Variants in METAP1 observed in about 807,000 individuals in gnomAD.
METAP1 encodes the protein methionyl aminopeptidase 1, also known as methionine aminopeptidase 1.
A neutral mutation model predicts 53.8 loss-of-function variants in METAP1; 28 were observed. The observed-to-expected ratio is 0.52, with a 90% CI of 0.39 to 0.71. The LOEUF (loss-of-function observed/expected upper bound fraction) is 0.71. METAP1 is among the 30% of genes least tolerant of loss of function. The probability of loss-of-function intolerance (pLI) is 0.00; values close to 1 mark genes in which losing one functional copy is unlikely to be tolerated. For missense variants in METAP1, 389 were observed against 479.8 expected, an observed-to-expected ratio of 0.81 and a Z score of 1.77; for synonymous variants, 181 against 165.7, an observed-to-expected ratio of 1.09 and a Z score of -0.71.
At chr4:99,025,631 C>A in intron 1 of METAP1, 1 of 297,696 alleles carries the variant, frequency 3.4e-6, no homozygotes, top group Non-Finnish European at 5.0e-6. Context: ...GAACTGCCAA[C>A]CACCCTGGCC....
chr4:99,015,644 T>TGG (rs1287737185), intron 1 of METAP1, among the ~76,000 whole-genome samples: 2 of 152,164 alleles, frequency 1.3e-5, no homozygotes, highest in Admixed American at 6.5e-5. Context: ...AGCGGCGTCT[T>TGG]GGCTTTAATT....
intron 9 of METAP1, among the ~76,000 whole-genome samples, chr4:99,052,743 T>C (rs1726803130): frequency 6.6e-6 from 1 of 152,178 alleles, no homozygotes; most frequent in Admixed American, 6.5e-5. Context: ...TTTCTTGAAA[T>C]AAGACAACAA....
intron 2 of METAP1, among the ~76,000 whole-genome samples, chr4:99,033,397 G>T (rs762909627): frequency 3.9e-5 from 6 of 151,944 alleles, no homozygotes; most frequent in African/African-American, 1.5e-4. Context: ...CTTGTATTCC[G>T]GCTACTTAAA....
chr4:99,023,084 C>CA, intron 1 of METAP1: 1 of 1,249,972 alleles, frequency 8.0e-7, no homozygotes, highest in South Asian at 1.3e-5. Flanking sequence ...TCTGTCCCTT[C>CA]CAGCGCCTTT....
chr4:99,026,080 C>A, intron 1 of METAP1: 1 of 228,426 alleles, frequency 4.4e-6, no homozygotes, highest in South Asian at 1.6e-4. Flanking sequence ...GCAAACTGTA[C>A]CCTGGCCACC....
chr4:99,003,908 T>G (rs1003741585), intron 1 of METAP1, among the ~76,000 whole-genome samples: 16 of 152,144 alleles, frequency 1.1e-4, no homozygotes, highest in Non-Finnish European at 1.8e-4. Context: ...GGCTTAGTCC[T>G]CGAAGCTGCC....
intron 9 of METAP1, among the ~76,000 whole-genome samples, chr4:99,056,990 T>G (rs1182557714): frequency 6.6e-6 from 1 of 152,116 alleles, no homozygotes; most frequent in Non-Finnish European, 1.5e-5. Flanking sequence ...TTCAGCCTCT[T>G]GAGTAGCTAG....
chr4:99,007,269 T>G (rs1579241683), intron 1 of METAP1, among the ~76,000 whole-genome samples: 1 of 152,280 alleles, frequency 6.6e-6, no homozygotes, highest in East Asian at 1.9e-4. Context: ...GAAACGCTGT[T>G]GACAAGACTC....
chr4:98,999,151 C>G (rs991802539), intron 1 of METAP1, among the ~76,000 whole-genome samples: 3 of 152,050 alleles, frequency 2.0e-5, no homozygotes, highest in Admixed American at 6.6e-5. Context: ...CATGAATGAT[C>G]CTATCTTGTT....
intron 9 of METAP1, among the ~76,000 whole-genome samples, chr4:99,052,818 G>C (rs1726810850): frequency 4.6e-5 from 7 of 152,170 alleles, no homozygotes; most frequent in Admixed American, 3.9e-4. Flanking sequence ...GATATTGTTT[G>C]ATAGCATTTT....
intron 5 of METAP1, 113 bp from the exon 6 acceptor site, chr4:99,040,930 T>C (rs1725814676): frequency 1.0e-5 from 4 of 401,542 alleles, no homozygotes; most frequent in South Asian, 1.5e-4. Flanking sequence ...TATAAAATTA[T>C]AATATTCAAG....
At chr4:99,005,715 A>G (rs1723144996) in intron 1 of METAP1, 2 of 382,400 alleles carry the variant, frequency 5.2e-6, no homozygotes, top group Middle Eastern at 3.7e-4. Flanking sequence ...ATATATATAC[A>G]TCATGAAATA....
chr4:99,034,521 G>A (rs1469810530), intron 3 of METAP1, among the ~76,000 whole-genome samples, 179 bp downstream of exon 3: 1 of 152,144 alleles, frequency 6.6e-6, no homozygotes, highest in Non-Finnish European at 1.5e-5. Context: ...GGCAATCATG[G>A]AAGAAGTGGG....
intron 1 of METAP1, among the ~76,000 whole-genome samples, chr4:99,008,270 G>A (rs1723277105): frequency 6.6e-6 from 1 of 152,172 alleles, no homozygotes; most frequent in Non-Finnish European, 1.5e-5. Flanking sequence ...GCTGAGGCAT[G>A]TAGGTAATAG....
Position 99,014,024 on chromosome 4 carries a change from G to C in METAP1, c.115-14843G>C, listed in dbSNP as rs575412235. Among the ~76,000 whole-genome samples the C allele has an allele frequency of 8.0e-4, 122 of 152,316 alleles. 1 individual carries two copies. Among genetic ancestry groups the C allele is most frequent in the African/African-American group, 2.7e-3 (111 of 41,566 alleles). On this transcript the variant is annotated intron_variant, in intron 1 of 10. Coordinates refer to ENST00000296411, the MANE Select transcript of METAP1 (RefSeq NM_015143.3). ...TAAAAGCAACCTTTCCGAATAGGGT[G>C]GGGGAGAGGCAGAGGATAGATTATT...
intron 1 of METAP1, among the ~76,000 whole-genome samples, chr4:99,015,378 C>T (rs1723699191): frequency 6.6e-6 from 1 of 152,118 alleles, no homozygotes; most frequent in South Asian, 2.1e-4. Flanking sequence ...TTCAAACCTC[C>T]CTATCGGATC....
At chr4:99,045,856 T>C (rs1560729120) in intron 8 of METAP1, among the ~76,000 whole-genome samples, 1 of 152,256 alleles carries the variant, frequency 6.6e-6, no homozygotes, top group Non-Finnish European at 1.5e-5. Flanking sequence ...GGCTGTTTTT[T>C]CAACTATCAT....
chr4:99,026,873 G>A, intron 1 of METAP1: 1 of 984,562 alleles, frequency 1.0e-6, no homozygotes, highest in Non-Finnish European at 1.2e-6. Context: ...AGAGGTGAGA[G>A]GTGTTTATTA....
chr4:99,018,466 C>T (rs561192160), intron 1 of METAP1, among the ~76,000 whole-genome samples: 1 of 152,264 alleles, frequency 6.6e-6, no homozygotes, highest in African/African-American at 2.4e-5. Context: ...AGTGAATCCT[C>T]AAATCCTGGG....
Sources: gnomAD v4.1 joint callset for allele counts (sites outside exome capture counted in the v4.1 genomes callset) on GRCh38, gnomAD v4.1.1 for gene constraint, MANE v1.5 for transcripts, NCBI Gene and HGNC (gene_info 2026-07-23, HGNC 2026-07-21) for gene names.